Variants in GLT1D1 observed in about 807,000 individuals in gnomAD.
The protein encoded by GLT1D1 is glycosyltransferase 1 domain-containing protein 1.
Under a neutral mutation model 28.7 loss-of-function variants are expected in GLT1D1, and 21 were observed. The ratio of observed to expected loss-of-function variants is 0.73; its 90% CI spans 0.52 to 1.05. GLT1D1 has a LOEUF of 1.05. Among genes scored for constraint, GLT1D1 ranks in the 50% least tolerant of loss-of-function variants. GLT1D1 has a pLI of 0.00. For missense variants in GLT1D1, 343 were observed against 330.6 expected, an observed-to-expected ratio of 1.04 and a Z score of -0.29; for synonymous variants, 147 against 124.8, an observed-to-expected ratio of 1.18 and a Z score of -1.19.
At chr12:128,907,122 G>T (rs1870958984) in intron 4 of GLT1D1, among the ~76,000 whole-genome samples, 1 of 152,076 alleles carries the variant, frequency 6.6e-6, no homozygotes, top group South Asian at 2.1e-4. Context: ...ACCTCGGAAA[G>T]TCATCTTGGC....
At chr12:128,948,595 T>A (rs1876370621) in intron 6 of GLT1D1, among the ~76,000 whole-genome samples, 1 of 152,228 alleles carries the variant, frequency 6.6e-6, no homozygotes, top group African/African-American at 2.4e-5. Context: ...CCAGGTTTCA[T>A]GTGTTCTTTC....
chr12:128,927,180 A>G, intron 4 of GLT1D1, 26 bp downstream of exon 8: 2 of 1,478,066 alleles, frequency 1.4e-6, no homozygotes, highest in Admixed American at 2.0e-5. Context: ...GTAAACACTT[A>G]TCTCATCTCT....
chr12:128,906,799 G>C (rs1190118806), intron 4 of GLT1D1: 2 of 543,006 alleles, frequency 3.7e-6, no homozygotes, highest in South Asian at 2.2e-5. Flanking sequence ...CTTGGCACTT[G>C]TGAAAGAAAA....
intron 1 of GLT1D1, among the ~76,000 whole-genome samples, chr12:128,859,313 C>A (rs899306282): frequency 1.3e-5 from 2 of 152,130 alleles, no homozygotes; most frequent in Non-Finnish European, 2.9e-5. Flanking sequence ...GGGAAGAGAC[C>A]ATCTCTTCCA....
At chr12:128,892,066 A>C (rs929231918) in intron 3 of GLT1D1, among the ~76,000 whole-genome samples, 1 of 152,182 alleles carries the variant, frequency 6.6e-6, no homozygotes, top group Admixed American at 6.6e-5. Flanking sequence ...GGTCACTGGT[A>C]GGTGACAGAC....
chr12:128,874,120 CTCTCTCTTTCTTTCTT>C (rs1329096596), intron 1 of GLT1D1, among the ~76,000 whole-genome samples: 169 of 52,784 alleles, frequency 3.2e-3, no homozygotes, highest in South Asian at 7.8e-3. Context: ...CTCTCTCTCT[CTCTCTCTTTCTTTCTT>C]TCTTTCTTTC....
In GLT1D1 at chr12:128,984,672, C is replaced by G. The variant is rs1467968893; in HGVS notation, c.*1582C>G. On this transcript the variant is annotated 3_prime_UTR_variant, in exon 8 of 8. Coordinates refer to ENST00000281703, the MANE Select transcript of GLT1D1 (RefSeq NM_144669.3). ...GGGGACAGAGGAGGGAGAGGCAGATCCTGGGCCGGGAGAGGATGGCCTGGT... is the reference window on the plus strand; with the variant it reads ...GGGGACAGAGGAGGGAGAGGCAGATGCTGGGCCGGGAGAGGATGGCCTGGT... The G allele has an allele frequency of 6.6e-6, 1 of 152,230 alleles. No individual in the cohort carries two copies. Among genetic ancestry groups the G allele is most frequent in the Non-Finnish European group, 1.5e-5 (1 of 68,242 alleles). 9.4% of individuals were successfully genotyped at this position (152,230 alleles called of 1,614,324 possible). A position where few individuals can be genotyped will look rare whatever the true frequency, so the allele number is the denominator to read the frequency against.
chr12:128,970,201 A>G (rs1416625988), intron 7 of GLT1D1, among the ~76,000 whole-genome samples: 1 of 152,062 alleles, frequency 6.6e-6, no homozygotes, highest in East Asian at 1.9e-4. Flanking sequence ...CTGCAGCCTT[A>G]GGGGTAATGC....
intron 4 of GLT1D1, among the ~76,000 whole-genome samples, chr12:128,932,228 C>T (rs1873995086): frequency 6.6e-6 from 1 of 152,172 alleles, no homozygotes; most frequent in Admixed American, 6.5e-5. Flanking sequence ...TAGTCCAACA[C>T]ATCTGTAACA....
At chr12:128,929,452 G>T (rs933543144) in intron 4 of GLT1D1, among the ~76,000 whole-genome samples, 1 of 152,264 alleles carries the variant, frequency 6.6e-6, no homozygotes, top group South Asian at 2.1e-4. Flanking sequence ...TTCTGTTTCC[G>T]GTCCCTAAAG....
chr12:128,925,134 A>G (rs770321273), intron 4 of GLT1D1, among the ~76,000 whole-genome samples: 19 of 151,832 alleles, frequency 1.3e-4, no homozygotes, highest in Non-Finnish European at 2.4e-4. Flanking sequence ...GTATCTGTAT[A>G]CATTTTCCTT....
At chr12:128,962,009 G>T (rs1878007778) in intron 7 of GLT1D1, among the ~76,000 whole-genome samples, 1 of 151,992 alleles carries the variant, frequency 6.6e-6, no homozygotes, top group Admixed American at 6.6e-5. Context: ...GTGGCCTTGT[G>T]TGTGTGCCCC....
chr12:128,914,985 C>T (rs752965018), intron 4 of GLT1D1: 24 of 1,535,094 alleles, frequency 1.6e-5, no homozygotes, highest in South Asian at 7.1e-5. Context: ...TTCTTCAACG[C>T]TCTGGTGAGA....
chr12:128,861,509 C>T (rs1318536252), intron 1 of GLT1D1, among the ~76,000 whole-genome samples: 3 of 152,314 alleles, frequency 2.0e-5, no homozygotes, highest in African/African-American at 7.2e-5. Context: ...TGGTCCTCCT[C>T]GGCCCAGAGC....
chr12:128,898,768 G>A (rs1439017007), intron 3 of GLT1D1, among the ~76,000 whole-genome samples: 1 of 152,186 alleles, frequency 6.6e-6, no homozygotes, highest in Non-Finnish European at 1.5e-5. Context: ...GATCCCTTGT[G>A]CATTTCCTAA....
At chr12:128,968,563 T>C (rs1878713219) in intron 7 of GLT1D1, among the ~76,000 whole-genome samples, 1 of 147,466 alleles carries the variant, frequency 6.8e-6, no homozygotes, top group South Asian at 2.1e-4. Context: ...CTCAGGAGGC[T>C]GAGGCATGAG....
intron 6 of GLT1D1, among the ~76,000 whole-genome samples, chr12:128,957,276 G>A (rs1877402384): frequency 6.6e-6 from 1 of 152,154 alleles, no homozygotes; most frequent in African/African-American, 2.4e-5. Flanking sequence ...GAGAGAGGGG[G>A]TTCTTTGTGA....
chr12:128,887,383 A>G (rs1452824536), intron 2 of GLT1D1, among the ~76,000 whole-genome samples: 1 of 151,978 alleles, frequency 6.6e-6, no homozygotes, highest in Non-Finnish European at 1.5e-5. Flanking sequence ...TTTGTGTACT[A>G]TCACAGATGC....
intron 6 of GLT1D1, among the ~76,000 whole-genome samples, chr12:128,954,851 G>A (rs1346215182): frequency 3.3e-5 from 5 of 152,184 alleles, no homozygotes; most frequent in Non-Finnish European, 4.4e-5. Flanking sequence ...CTACTAGAGA[G>A]GCTGAGGTGG....
Sources: gnomAD v4.1 joint callset for allele counts (sites outside exome capture counted in the v4.1 genomes callset) on GRCh38, gnomAD v4.1.1 for gene constraint, MANE v1.5 for transcripts, NCBI Gene and HGNC (gene_info 2026-07-23, HGNC 2026-07-21) for gene names.